EYS: variants seen among roughly 807,000 people sequenced by gnomAD.
EYS encodes protein eyes shut homolog.
A neutral mutation model predicts 282.1 loss-of-function variants in EYS; 250 were observed. The ratio of observed to expected loss-of-function variants is 0.89; its 90% CI spans 0.80 to 0.98. The LOEUF (loss-of-function observed/expected upper bound fraction) is 0.98. Ranked by LOEUF, EYS falls within the 50% of genes least tolerant of loss-of-function variation. EYS has a pLI of 0.00. For missense variants in EYS, 4,016 were observed against 3,709.0 expected (o/e 1.08, Z -2.15); for synonymous variants, 1,355 against 1,282.9 (o/e 1.06, Z -1.20).
chr6:65,466,636 G>T (rs900247896), intron 5 of EYS, among the ~76,000 whole-genome samples: 1 of 151,884 alleles, frequency 6.6e-6, no homozygotes, highest in Non-Finnish European at 1.5e-5. Context: ...GGAAAGATTT[G>T]GGGGTTGATC....
intron 13 of EYS, among the ~76,000 whole-genome samples, chr6:65,019,749 A>T (rs1169164184): frequency 5.3e-5 from 8 of 152,180 alleles, no homozygotes. Flanking sequence ...TAATTGTATT[A>T]GTCCATTCTC....
At chr6:64,439,022 A>G (rs1561995038) in intron 27 of EYS, 140 bp downstream of exon 27, 2 of 410,260 alleles carry the variant, frequency 4.9e-6, no homozygotes, top group Non-Finnish European at 4.2e-6. Flanking sequence ...AAGAAATTAT[A>G]AAAGTAGAGG....
At chr6:64,579,109 T>C (rs889502478) in intron 26 of EYS, among the ~76,000 whole-genome samples, 2 of 152,104 alleles carry the variant, frequency 1.3e-5, no homozygotes, top group African/African-American at 4.8e-5. Context: ...GTCCTACCCA[T>C]GGGCGAAAGA....
chr6:64,533,854 T>C (rs1694507896), intron 26 of EYS, among the ~76,000 whole-genome samples: 1 of 151,942 alleles, frequency 6.6e-6, no homozygotes, highest in South Asian at 2.1e-4. Context: ...CATATGTATT[T>C]AACATAATTT....
chr6:63,997,998 C>T (rs942523510), intron 34 of EYS, among the ~76,000 whole-genome samples: 4 of 151,978 alleles, frequency 2.6e-5, no homozygotes, highest in Admixed American at 1.3e-4. Context: ...GTGGCCCTCT[C>T]GGGATCTAGA....
chr6:63,987,385 T>C (rs1767417245), intron 34 of EYS, among the ~76,000 whole-genome samples: 1 of 151,744 alleles, frequency 6.6e-6, no homozygotes, highest in Non-Finnish European at 1.5e-5. Context: ...CTGATGTTCA[T>C]TGCAGAGCTT....
intron 22 of EYS, among the ~76,000 whole-genome samples, chr6:64,635,943 C>T (rs1242816428): frequency 6.6e-6 from 1 of 151,328 alleles, no homozygotes; most frequent in African/African-American, 2.4e-5. Flanking sequence ...GATGTGAATC[C>T]ATCTGGTCCT....
At chr6:64,534,825 C>A (rs1764469271) in intron 26 of EYS, among the ~76,000 whole-genome samples, 1 of 151,058 alleles carries the variant, frequency 6.6e-6, no homozygotes, top group African/African-American at 2.4e-5. Flanking sequence ...GGACAATCAT[C>A]AGGGAATTAG....
intron 29 of EYS, among the ~76,000 whole-genome samples, chr6:64,338,672 C>T (rs920003988): frequency 3.3e-5 from 5 of 151,888 alleles, no homozygotes; most frequent in South Asian, 2.1e-4. Context: ...GCCCACATAG[C>T]CAAAGCAAGA....
At position 65,695,296 on chromosome 6, in the gene EYS, T is replaced by C. The variant is rs1161189784; in HGVS notation, c.-448+11839A>G. ...AGAGACATGGTATTTATCACCCTTG[T>C]TTGGCAAGATTATGACAAATAATAT... is the stretch of plus-strand genomic sequence containing the variant. On this transcript the variant is annotated intron_variant, in intron 1 of 42. Coordinates refer to ENST00000503581, the MANE Select transcript of EYS (RefSeq NM_001142800.2). 2.0e-5 allele frequency among the ~76,000 whole-genome samples: 3 copies of C among 152,166 alleles called. No individual in the cohort carries two copies. The East Asian group carries it at 5.8e-4, about 29-fold the overall frequency.
At chr6:64,132,958 G>A (rs1270967260) in intron 31 of EYS, among the ~76,000 whole-genome samples, 3 of 151,856 alleles carry the variant, frequency 2.0e-5, no homozygotes, top group Non-Finnish European at 4.4e-5. Context: ...ATGTTTATAT[G>A]TAAGTAAAAT....
At chr6:65,099,573 AC>A (rs1774836079) in intron 12 of EYS, among the ~76,000 whole-genome samples, 1 of 150,666 alleles carries the variant, frequency 6.6e-6, no homozygotes, top group Non-Finnish European at 1.5e-5. Flanking sequence ...ATGGGGATGA[AC>A]ACTGCAAAAT....
At chr6:64,036,666 G>T (rs1770137762) in intron 33 of EYS, among the ~76,000 whole-genome samples, 1 of 152,158 alleles carries the variant, frequency 6.6e-6, no homozygotes. Context: ...GACATTTAAG[G>T]AGTAACAAAA....
chr6:64,917,998 T>C (rs1768219361), intron 15 of EYS, among the ~76,000 whole-genome samples: 1 of 152,276 alleles, frequency 6.6e-6, no homozygotes, highest in Admixed American at 6.5e-5. Flanking sequence ...TTTTTTTTAA[T>C]GAGCTACCGA....
At chr6:64,296,159 G>C (rs2150369112) in intron 30 of EYS, among the ~76,000 whole-genome samples, 1 of 152,062 alleles carries the variant, frequency 6.6e-6, no homozygotes, top group African/African-American at 2.4e-5. Context: ...TATCAAAGAG[G>C]GGTACTCTAA....
chr6:64,123,601 CTGTACTTGGTA>C (rs1773665207), intron 31 of EYS, among the ~76,000 whole-genome samples: 1 of 152,086 alleles, frequency 6.6e-6, no homozygotes, highest in Non-Finnish European at 1.5e-5. Context: ...ACTGCCAGCT[CTGTACTTGGTA>C]TGAGTTGGAT....
intron 16 of EYS, 76 bp downstream of exon 16, chr6:64,912,408 C>A (rs1768027337): frequency 1.5e-6 from 2 of 1,361,110 alleles, no homozygotes; most frequent in African/African-American, 1.4e-5. Flanking sequence ...AGGAGGCCAT[C>A]ATCCCATAGG....
chr6:65,515,468 G>A (rs1252507903), intron 2 of EYS, among the ~76,000 whole-genome samples: 1 of 151,020 alleles, frequency 6.6e-6, no homozygotes, highest in African/African-American at 2.4e-5. Context: ...TATAAATCAT[G>A]CTGCTATAAA....
At chr6:65,121,263 A>T (rs946410933) in intron 12 of EYS, among the ~76,000 whole-genome samples, 1 of 152,156 alleles carries the variant, frequency 6.6e-6, no homozygotes, top group Non-Finnish European at 1.5e-5. Context: ...TACACCAAGT[A>T]AGGGAACAGT....
Sources: gnomAD v4.1 joint callset for allele counts (sites outside exome capture counted in the v4.1 genomes callset) on GRCh38, gnomAD v4.1.1 for gene constraint, MANE v1.5 for transcripts, NCBI Gene and HGNC (gene_info 2026-07-23, HGNC 2026-07-21) for gene names.